The following KALRN variants were observed in gnomAD, a reference collection of about 807,000 sequenced individuals.
KALRN encodes the protein kalirin.
A neutral mutation model predicts 353.7 loss-of-function variants in KALRN; 70 were observed. That is an observed-to-expected ratio of 0.20 (90% CI 0.16 to 0.24). The LOEUF is 0.24. KALRN is among the 10% of genes least tolerant of loss of function. The pLI, the probability that KALRN is intolerant of heterozygous loss-of-function variation, is 1.00. For missense variants in KALRN, 2,791 were observed against 3,756.7 expected (o/e 0.74, Z 6.72); for synonymous variants, 1,391 against 1,434.8 (o/e 0.97, Z 0.69).
In KALRN at chr3:124,531,830, A is replaced by G. The variant is rs537687402; in HGVS notation, c.4936-31013A>G. On this transcript the variant is annotated intron_variant, in intron 33 of 59. Coordinates refer to ENST00000682506, the MANE Select transcript of KALRN (RefSeq NM_001388419.1). ...CAACATGAGATTTGGGCAGGGACAC[A>G]GACTCAAACCATATCAGTCCTACTA... is the stretch of plus-strand genomic sequence containing the variant. 2.0e-5 allele frequency among the ~76,000 whole-genome samples: 3 copies of G among 152,326 alleles called. No homozygotes were observed. The East Asian group carries it at 5.8e-4, about 29-fold the overall frequency.
intron 37 of KALRN, among the ~76,000 whole-genome samples, chr3:124,640,325 C>T (rs1200847153): frequency 6.5e-5 from 9 of 138,162 alleles, no homozygotes; most frequent in African/African-American, 1.4e-4. Flanking sequence ...CTCACTCTGT[C>T]GCCCAGGCTG....
intron 33 of KALRN, among the ~76,000 whole-genome samples, chr3:124,538,445 G>A (rs923723184): frequency 1.3e-5 from 2 of 152,144 alleles, no homozygotes; most frequent in Non-Finnish European, 2.9e-5. Context: ...TTGTGAATAA[G>A]GTGGGACATT....
At chr3:124,122,913 A>G (rs2064191572) in intron 1 of KALRN, among the ~76,000 whole-genome samples, 1 of 152,188 alleles carries the variant, frequency 6.6e-6, no homozygotes, top group African/African-American at 2.4e-5. Context: ...GTTAAAGGCT[A>G]AGATAGCAGC....
At chr3:124,202,949 G>A (rs1194162421) in intron 1 of KALRN, among the ~76,000 whole-genome samples, 5 of 152,120 alleles carry the variant, frequency 3.3e-5, no homozygotes, top group Admixed American at 6.5e-5. Context: ...AGGCTGGGCC[G>A]TCAGCACTCT....
chr3:124,144,587 TTCC>T (rs1326083165), intron 1 of KALRN, among the ~76,000 whole-genome samples: 1 of 150,700 alleles, frequency 6.6e-6, no homozygotes, highest in Non-Finnish European at 1.5e-5. Context: ...CCTCCTCCTC[TTCC>T]TCGTCTTCCT....
intron 18 of KALRN, among the ~76,000 whole-genome samples, chr3:124,440,402 C>G (rs1212919737): frequency 6.6e-6 from 1 of 152,018 alleles, no homozygotes; most frequent in Non-Finnish European, 1.5e-5. Flanking sequence ...ATGATATGCC[C>G]AGTAAATAGA....
At chr3:124,245,272 A>G (rs2080985738) in intron 3 of KALRN, among the ~76,000 whole-genome samples, 1 of 152,144 alleles carries the variant, frequency 6.6e-6, no homozygotes, top group African/African-American at 2.4e-5. Context: ...ATTTCACTGA[A>G]CATAATGTCC....
intron 3 of KALRN, among the ~76,000 whole-genome samples, chr3:124,243,824 T>C (rs921350527): frequency 6.6e-6 from 1 of 152,210 alleles, no homozygotes; most frequent in Non-Finnish European, 1.5e-5. Flanking sequence ...ATAACACATG[T>C]AAAATGCCTA....
chr3:124,244,974 T>C (rs2080945313), intron 3 of KALRN, among the ~76,000 whole-genome samples: 1 of 152,162 alleles, frequency 6.6e-6, no homozygotes, highest in Non-Finnish European at 1.5e-5. Flanking sequence ...ATCTCAGAAA[T>C]TTATCATTTT....
At chr3:124,290,658 G>A (rs138641522) in intron 5 of KALRN, among the ~76,000 whole-genome samples, 1 of 152,182 alleles carries the variant, frequency 6.6e-6, no homozygotes, top group Non-Finnish European at 1.5e-5. Flanking sequence ...TTAATTTCTT[G>A]GTGCCTTAGT....
chr3:124,323,106 C>G (rs2079516730), intron 6 of KALRN, among the ~76,000 whole-genome samples: 1 of 152,202 alleles, frequency 6.6e-6, no homozygotes, highest in Non-Finnish European at 1.5e-5. Flanking sequence ...AAAGCATTTA[C>G]TGTGCTAGTC....
chr3:124,685,213 T>G (rs2061506575), intron 51 of KALRN, among the ~76,000 whole-genome samples: 1 of 152,168 alleles, frequency 6.6e-6, no homozygotes. Flanking sequence ...ATCTGAAGGG[T>G]GTGGCTTGAA....
intron 1 of KALRN, among the ~76,000 whole-genome samples, chr3:124,160,744 C>T (rs1311427270): frequency 6.6e-6 from 1 of 152,140 alleles, no homozygotes; most frequent in Non-Finnish European, 1.5e-5. Context: ...ATGGGATGCA[C>T]ACTGGGAGCC....
In KALRN at chr3:124,299,219, C is replaced by T. The variant is rs138016566; in HGVS notation, c.1092+306C>T. ...AGTTCCACTTCACTGACTTAGCCAA[C>T]GTTTTTTGGTCCCCAGCATGTGTGA... On this transcript the variant is annotated intron_variant, in intron 6 of 59. Transcript: ENST00000682506. Among the ~76,000 whole-genome samples the T allele has an allele frequency of 1.0e-3, 155 of 152,196 alleles. 1 individual carries two copies. The highest frequency in any genetic ancestry group is 3.3e-3 in the African/African-American group (139 of 41,542).
chr3:124,141,879 T>G (rs1309293366), intron 1 of KALRN, among the ~76,000 whole-genome samples: 3 of 152,168 alleles, frequency 2.0e-5, no homozygotes, highest in Admixed American at 6.5e-5. Flanking sequence ...AGAAGCAGTG[T>G]GGGCCAGTGG....
At chr3:124,464,710 C>G (rs1189854274) in intron 25 of KALRN, among the ~76,000 whole-genome samples, 1 of 152,120 alleles carries the variant, frequency 6.6e-6, no homozygotes, top group Non-Finnish European at 1.5e-5. Context: ...TCTATCCTCC[C>G]TAACAACCTC....
chr3:124,385,572 C>A (rs1006198680), intron 11 of KALRN, among the ~76,000 whole-genome samples: 1 of 152,068 alleles, frequency 6.6e-6, no homozygotes, highest in Non-Finnish European at 1.5e-5. Context: ...AAAGTTGGTC[C>A]TCACTTTGCC....
Position 124,227,608 on chromosome 3 carries a change from G to A in KALRN, c.74-382G>A, listed in dbSNP as rs370997344. On this transcript the variant is annotated intron_variant, in intron 1 of 59. Transcript: ENST00000682506. ...ACACTGTGCTAGGCACTAGAGGTACGAACATGATTTTTTAAAAGTCCCCCG... is the reference window on the plus strand; with the variant it reads ...ACACTGTGCTAGGCACTAGAGGTACAAACATGATTTTTTAAAAGTCCCCCG... 4.8e-5 allele frequency among the ~76,000 whole-genome samples: 7 copies of A among 145,518 alleles called. No individual in the cohort carries two copies. In the South Asian group the frequency reaches 6.7e-4, roughly 14 times the overall value.
chr3:124,456,804 A>G (rs1314206916), intron 23 of KALRN, 76 bp downstream of exon 23: 4 of 938,220 alleles, frequency 4.3e-6, no homozygotes. Context: ...GTCCCTTTGG[A>G]TAGCTTAATA....
Sources: allele counts gnomAD v4.1 joint callset (sites outside exome capture counted in the v4.1 genomes callset), GRCh38; gene constraint gnomAD v4.1.1; transcripts MANE v1.5; gene names NCBI Gene and HGNC (gene_info 2026-07-23, HGNC 2026-07-21).